Variants in SPARC observed in about 807,000 individuals in gnomAD.
The protein encoded by SPARC is basement-membrane protein 40.
A neutral mutation model predicts 37.7 loss-of-function variants in SPARC; 23 were observed. That is an observed-to-expected ratio of 0.61 (90% CI 0.44 to 0.87). The LOEUF (loss-of-function observed/expected upper bound fraction) is 0.87. SPARC is among the 40% of genes least tolerant of loss of function. SPARC has a pLI of 0.00. For synonymous variants in SPARC, 155 were observed against 150.8 expected (o/e 1.03, Z -0.20); for missense variants, 312 against 389.0 (o/e 0.80, Z 1.66).
rs761465478 is a variant in SPARC at position 151,673,227 on chromosome 5, G to C, written c.121-11C>G. On this transcript the variant is annotated splice_polypyrimidine_tract_variant and intron_variant, in intron 3 of 9. Transcript: ENST00000231061. ...AGCTCCCACAGATACCTGGAATTGAGGGAGAAGAATGGGTGAAATGGCCCC... is the reference window on the plus strand; with the variant it reads ...AGCTCCCACAGATACCTGGAATTGACGGAGAAGAATGGGTGAAATGGCCCC... 8 of 1,594,146 alleles carry C rather than the reference G, an allele frequency of 5.0e-6. No individual in the cohort carries two copies. The highest frequency in any genetic ancestry group is 6.9e-6 in the Non-Finnish European group (8 of 1,161,802).
chr5:151,682,717 C>A (rs1761023805), intron 1 of SPARC, among the ~76,000 whole-genome samples: 1 of 152,202 alleles, frequency 6.6e-6, no homozygotes, highest in South Asian at 2.1e-4. Flanking sequence ...CACTGGAGGT[C>A]ACACGGCAAG....
In SPARC at chr5:151,671,623, C is replaced by T. The variant is rs142207246; in HGVS notation, c.280G>A (p.Val94Met). 46 of 1,605,026 alleles carry T rather than the reference C, an allele frequency of 2.9e-5. No individual in the cohort carries two copies. The highest frequency in any genetic ancestry group is 2.3e-4 in the African/African-American group (17 of 74,504). The change falls in exon 5 of 10, where the codon GTG becomes ATG. Residue 94 changes from valine (V) to methionine (M), a missense_variant. Transcript: ENST00000231061. Reference sequence around the variant, plus strand: ...GGGCAGCTGGTGGGGTCCTGGCACACGCACATGGGGGTGTTGTTCTCATCC... The same window carrying T: ...GGGCAGCTGGTGGGGTCCTGGCACATGCACATGGGGGTGTTGTTCTCATCC... ...ELDENNTPMC[V>M]CQDPTSCPAP... is the part of the protein sequence containing the mutation.
chr5:151,663,471 T>C lies in SPARC; in HGVS notation c.*100A>G. 4 of 1,168,972 alleles carry C rather than the reference T, an allele frequency of 3.4e-6. No individual in the cohort carries two copies. The South Asian group carries it at 5.1e-5, about 15-fold the overall frequency. 72.4% of individuals were successfully genotyped at this position (1,168,972 alleles called of 1,614,324 possible). ...CACTTAAATCTATGTTAGCACCTTG[T>C]CTCCAGGCAGAACAACAAACCATCC... On this transcript the variant is annotated 3_prime_UTR_variant, in exon 10 of 10. Coordinates refer to ENST00000231061, the MANE Select transcript of SPARC (RefSeq NM_003118.4).
At chr5:151,664,353 G>A (rs1760580998) in intron 8 of SPARC, 118 bp from the exon 9 acceptor site, 1 of 954,288 alleles carries the variant, frequency 1.0e-6, no homozygotes, top group African/African-American at 1.6e-5. Flanking sequence ...TTTAAAGCAG[G>A]ACAAAAAGCC....
intron 6 of SPARC, among the ~76,000 whole-genome samples, chr5:151,668,093 C>T (rs768441232): frequency 3.0e-4 from 45 of 152,144 alleles, no homozygotes; most frequent in Non-Finnish European, 5.6e-4. Context: ...AAATGTTGGA[C>T]CTGAAGATTT....
Position 151,661,713 on chromosome 5 carries a change from GAA to G in SPARC, c.*1856_*1857del, listed in dbSNP as rs1424215363. 3 of 152,204 alleles carry G rather than the reference GAA, an allele frequency of 2.0e-5. No individual in the cohort carries two copies. The highest frequency in any genetic ancestry group is 6.5e-5 in the Admixed American group (1 of 15,282). 9.4% of individuals were successfully genotyped at this position (152,204 alleles called of 1,614,324 possible). A position where few individuals can be genotyped will look rare whatever the true frequency, so the allele number is the denominator to read the frequency against. On this transcript the variant is annotated 3_prime_UTR_variant, in exon 10 of 10. Coordinates refer to ENST00000231061, the MANE Select transcript of SPARC (RefSeq NM_003118.4). The stretch of plus-strand genomic sequence containing the variant: ...GTCCAATAGAACTTTCTGTGATGAT[GAA>G]AAGATTCTACTTCTGACCTATTCAA...
intron 1 of SPARC, among the ~76,000 whole-genome samples, chr5:151,684,413 C>T (rs893102953): frequency 5.8e-5 from 8 of 138,140 alleles, no homozygotes; most frequent in African/African-American, 2.1e-4. Flanking sequence ...AGTTAGAACA[C>T]ACTTTTTTTT....
intron 1 of SPARC, among the ~76,000 whole-genome samples, chr5:151,678,903 C>A (rs1203902536): frequency 7.1e-6 from 1 of 139,956 alleles, no homozygotes; most frequent in African/African-American, 3.0e-5. Flanking sequence ...AGCGGCTGAA[C>A]TATTCCAGAT....
Position 151,663,470 on chromosome 5 carries a change from G to T in SPARC, c.*101C>A. ...TCACTTAAATCTATGTTAGCACCTTGTCTCCAGGCAGAACAACAAACCATC... is the reference window on the plus strand; with the variant it reads ...TCACTTAAATCTATGTTAGCACCTTTTCTCCAGGCAGAACAACAAACCATC... On this transcript the variant is annotated 3_prime_UTR_variant, in exon 10 of 10. Coordinates refer to ENST00000231061, the MANE Select transcript of SPARC (RefSeq NM_003118.4). The T allele has an allele frequency of 1.7e-6, 2 of 1,152,572 alleles. No individual in the cohort carries two copies. The highest frequency in any genetic ancestry group is 2.6e-6 in the Non-Finnish European group (2 of 768,956). The allele number at this position is 1,152,572 out of a possible 1,614,324, so 71.4% of individuals were successfully genotyped here. A position where few individuals can be genotyped will look rare whatever the true frequency, so the allele number is the denominator to read the frequency against.
At chr5:151,671,239 A>G (rs1760743083) in intron 5 of SPARC, among the ~76,000 whole-genome samples, 1 of 152,184 alleles carries the variant, frequency 6.6e-6, no homozygotes, top group South Asian at 2.1e-4. Flanking sequence ...AGTGATGGAG[A>G]TGAGGTTTGA....
intron 1 of SPARC, among the ~76,000 whole-genome samples, chr5:151,680,400 C>CTT (rs1229961048): frequency 6.6e-6 from 1 of 151,168 alleles, no homozygotes; most frequent in Non-Finnish European, 1.5e-5. Context: ...GCGAATTTTT[C>CTT]TTTTCTTTTC....
rs13354867 is a variant in SPARC at position 151,683,796 on chromosome 5, T to C, written c.-14+3069A>G. On this transcript the variant is annotated intron_variant, in intron 1 of 9. Transcript: ENST00000231061. The stretch of plus-strand genomic sequence containing the variant: ...ATTCCTGGAACTTGTCTGTAAATCA[T>C]TGTCATCCAGGAAGAGGTGTGTGAG... 5.9e-3 allele frequency among the ~76,000 whole-genome samples: 897 copies of C among 152,298 alleles called. 8 individuals carry two copies. Among genetic ancestry groups the C allele is most frequent in the African/African-American group, 0.02 (842 of 41,542 alleles).
chr5:151,673,128 C>A lies in SPARC; in HGVS notation c.208+1G>T. The A allele has an allele frequency of 6.2e-7, 1 of 1,612,368 alleles. No homozygotes were observed. Among genetic ancestry groups the A allele is most frequent in the Non-Finnish European group, 8.5e-7 (1 of 1,178,308 alleles). On this transcript the variant is annotated splice_donor_variant, in intron 4 of 9. Coordinates refer to ENST00000231061, the MANE Select transcript of SPARC (RefSeq NM_003118.4). LOFTEE classifies it high-confidence loss of function. ...TGCCAAGTTACAGGGAAGGGACATACTTTCCGCCACCACCTCCTCTTCGGT... is the reference window on the plus strand; with the variant it reads ...TGCCAAGTTACAGGGAAGGGACATAATTTCCGCCACCACCTCCTCTTCGGT...
At chr5:151,671,271 C>T (rs1217704868) in intron 5 of SPARC, among the ~76,000 whole-genome samples, 3 of 152,148 alleles carry the variant, frequency 2.0e-5, no homozygotes, top group African/African-American at 7.2e-5. Context: ...AGTTTGGCCC[C>T]AGAACCCGTA....
Position 151,663,441 on chromosome 5 carries a change from G to A in SPARC, c.*130C>T. 2 of 865,222 alleles carry A rather than the reference G, an allele frequency of 2.3e-6. No homozygotes were observed. The highest frequency in any genetic ancestry group is 1.9e-6 in the Non-Finnish European group (1 of 528,872). 53.6% of individuals were successfully genotyped at this position (865,222 alleles called of 1,614,324 possible). ...AATTTTCATTTTTAGCACCGTTAAT[G>A]TATTCACTTAAATCTATGTTAGCAC... On this transcript the variant is annotated 3_prime_UTR_variant, in exon 10 of 10. Coordinates refer to ENST00000231061, the MANE Select transcript of SPARC (RefSeq NM_003118.4).
At chr5:151,678,831 C>T (rs1234441069) in intron 1 of SPARC, among the ~76,000 whole-genome samples, 4 of 152,296 alleles carry the variant, frequency 2.6e-5, no homozygotes, top group African/African-American at 4.8e-5. Context: ...GCCCAGCACC[C>T]GGTGCTACAC....
rs750067363 is a variant in SPARC, at chr5:151,666,446, C to G, written c.649G>C (p.Ala217Pro). 2 of 1,614,172 alleles carry G rather than the reference C, an allele frequency of 1.2e-6. No homozygotes were observed. The highest frequency in any genetic ancestry group is 2.2e-5 in the South Asian group (2 of 91,080). Residue 217 changes from alanine (A) to proline (P), a missense_variant, in exon 8 of 10, where the codon GCC becomes CCC. By Grantham distance (27) the Ala-to-Pro change is conservative. Transcript: ENST00000231061. ...TTATAGTTCTTCTCGAAGTCCCGGG[C>G]CAGCAGCTCCACGGGGTGGTCTCCT... ...EAGDHPVELL[A>P]RDFEKNYNMY...
chr5:151,667,885 G>T (rs1373485377), intron 6 of SPARC, among the ~76,000 whole-genome samples: 1 of 152,236 alleles, frequency 6.6e-6, no homozygotes, highest in African/African-American at 2.4e-5. Flanking sequence ...GCTGGGCTTT[G>T]GGTGTGATCC....
At position 151,667,380 on chromosome 5, in the gene SPARC, T is replaced by A. The variant is rs1760646653; in HGVS notation, c.585+87A>T. The A allele has an allele frequency of 6.6e-6, 10 of 1,506,936 alleles. No homozygotes were observed. In the Admixed American group the frequency reaches 1.7e-4, roughly 25 times the overall value. The allele number at this position is 1,506,936 out of a possible 1,614,324, so 93.3% of individuals were successfully genotyped here. ...GGTAAATGCACGCTCCGGAGCAGGA[T>A]GCCGCCCTGCAGCTGGGGGCCCAGT... On this transcript the variant is annotated intron_variant, in intron 7 of 9. Coordinates refer to ENST00000231061, the MANE Select transcript of SPARC (RefSeq NM_003118.4).
Sources: gnomAD v4.1 joint callset for allele counts (sites outside exome capture counted in the v4.1 genomes callset) on GRCh38, gnomAD v4.1.1 for gene constraint, MANE v1.5 for transcripts, NCBI Gene and HGNC (gene_info 2026-07-23, HGNC 2026-07-21) for gene names.